CSMD3: variants seen among roughly 807,000 people sequenced by gnomAD.
The protein encoded by CSMD3 is CUB and sushi domain-containing protein 3.
A neutral mutation model predicts 435.2 loss-of-function variants in CSMD3; 177 were observed. That is an observed-to-expected ratio of 0.41 (90% CI 0.36 to 0.46). CSMD3 has a LOEUF of 0.46. CSMD3 is among the 20% of genes least tolerant of loss of function. The pLI is 0.34. For missense variants in CSMD3, 4,265 were observed against 4,504.6 expected (o/e 0.95, Z 1.52); for synonymous variants, 1,656 against 1,520.5 (o/e 1.09, Z -2.07).
intron 9 of CSMD3, among the ~76,000 whole-genome samples, chr8:112,940,180 A>G (rs1201550288): frequency 1.3e-5 from 2 of 151,878 alleles, no homozygotes; most frequent in Non-Finnish European, 2.9e-5. Context: ...TATACATTAT[A>G]CAGTAGTGTT....
Position 113,173,704 on chromosome 8 carries a change from A to C in CSMD3, c.709+18T>G. 6.4e-7 allele frequency: 1 copy of C among 1,571,742 alleles called. No homozygotes were observed. Among genetic ancestry groups the C allele is most frequent in the Non-Finnish European group, 8.8e-7 (1 of 1,141,920 alleles). Reference sequence around the variant, plus strand: ...CTGGCTGATAACAACTCTCATTTTTAAAGTGTTTTCATTTTACCTCTACAG... The same window carrying C: ...CTGGCTGATAACAACTCTCATTTTTCAAGTGTTTTCATTTTACCTCTACAG... On this transcript the variant is annotated intron_variant, in intron 4 of 70. Transcript: ENST00000297405.
intron 7 of CSMD3, among the ~76,000 whole-genome samples, chr8:112,961,050 T>C (rs997894130): frequency 2.0e-5 from 3 of 151,742 alleles, no homozygotes; most frequent in African/African-American, 7.2e-5. Context: ...AAATATATAA[T>C]CACAATTTTA....
intron 13 of CSMD3, among the ~76,000 whole-genome samples, chr8:112,718,107 G>A (rs1338657753): frequency 6.6e-6 from 1 of 152,020 alleles, no homozygotes; most frequent in Non-Finnish European, 1.5e-5. Context: ...AGACTCTAGT[G>A]AGAGAAAAGA....
At chr8:113,217,318 C>T (rs1334176019) in intron 3 of CSMD3, among the ~76,000 whole-genome samples, 1 of 151,266 alleles carries the variant, frequency 6.6e-6, no homozygotes, top group Non-Finnish European at 1.5e-5. Context: ...ACTACCAAAA[C>T]CTTGACATAC....
chr8:112,889,665 C>T (rs975006941), intron 10 of CSMD3, among the ~76,000 whole-genome samples: 15 of 151,452 alleles, frequency 9.9e-5, no homozygotes, highest in South Asian at 4.2e-4. Context: ...ACTTGGGCGG[C>T]GGTTATGTTG....
intron 35 of CSMD3, among the ~76,000 whole-genome samples, chr8:112,404,906 G>T (rs562594168): frequency 6.6e-6 from 1 of 151,326 alleles, no homozygotes; most frequent in South Asian, 2.1e-4. Context: ...AGCTGGGTGC[G>T]GTAGATCACA....
rs768433724 is a variant in CSMD3 at position 113,098,909 on chromosome 8, G to C, written c.764C>G (p.Pro255Arg). 3 of 1,612,730 alleles carry C rather than the reference G, an allele frequency of 1.9e-6. No individual in the cohort carries two copies. Among genetic ancestry groups the C allele is most frequent in the African/African-American group, 1.3e-5 (1 of 74,942 alleles). ...GTTATGGTACTCATTAGGAAAACTAGGGCTGGATATGATGCCACTGGATCC... is the reference window on the plus strand; with the variant it reads ...GTTATGGTACTCATTAGGAAAACTACGGCTGGATATGATGCCACTGGATCC... ...MRGSSGIISS[P>R]SFPNEYHNNA... Residue 255 changes from proline (P) to arginine (R), a missense_variant, in exon 5 of 71, where the codon CCT becomes CGT. Pro to Arg is a moderately radical substitution (Grantham distance 103). Transcript: ENST00000297405.
intron 52 of CSMD3, among the ~76,000 whole-genome samples, chr8:112,303,090 G>A (rs1252173244): frequency 6.6e-6 from 1 of 151,990 alleles, no homozygotes; most frequent in Non-Finnish European, 1.5e-5. Flanking sequence ...TTGAAAACCT[G>A]ATTAAATGAG....
intron 1 of CSMD3, among the ~76,000 whole-genome samples, chr8:113,325,407 T>C (rs1197371665): frequency 6.6e-6 from 1 of 152,122 alleles, no homozygotes; most frequent in Non-Finnish European, 1.5e-5. Context: ...TATGAGGCAG[T>C]TTATCTGCAT....
chr8:112,949,421 C>G lies in CSMD3; in HGVS notation c.1421-1544G>C, dbSNP rs79482890. Among the ~76,000 whole-genome samples the G allele has an allele frequency of 9.8e-3, 1,489 of 151,798 alleles. 19 individuals carry two copies. The highest frequency in any genetic ancestry group is 0.035 in the African/African-American group (1,431 of 41,404). ...TCTTTACCTTTCTAGGTTTTTTGGCCACTCTTACTTTTGCCGATTCTACTA... is the reference window on the plus strand; with the variant it reads ...TCTTTACCTTTCTAGGTTTTTTGGCGACTCTTACTTTTGCCGATTCTACTA... On this transcript the variant is annotated intron_variant, in intron 8 of 70. Coordinates refer to ENST00000297405, the MANE Select transcript of CSMD3 (RefSeq NM_198123.2).
chr8:112,532,313 C>T (rs1263256947), intron 27 of CSMD3, among the ~76,000 whole-genome samples: 1 of 151,628 alleles, frequency 6.6e-6, no homozygotes, highest in African/African-American at 2.4e-5. Context: ...GAAATGATAA[C>T]AGAGAACATT....
intron 4 of CSMD3, among the ~76,000 whole-genome samples, chr8:113,142,278 T>C (rs921058593): frequency 1.3e-5 from 2 of 151,242 alleles, no homozygotes; most frequent in Non-Finnish European, 3.0e-5. Flanking sequence ...TAATCTAAAA[T>C]TTATATGAAA....
intron 3 of CSMD3, among the ~76,000 whole-genome samples, chr8:113,204,988 C>CT (rs111767659): frequency 0.11 from 16,555 of 145,936 alleles, 1,446 homozygotes; most frequent in African/African-American, 0.24. Context: ...AGGGGAACTC[C>CT]TTTTTTTTTT....
chr8:112,715,113 A>C (rs2131939448), intron 13 of CSMD3, among the ~76,000 whole-genome samples: 1 of 152,204 alleles, frequency 6.6e-6, no homozygotes, highest in African/African-American at 2.4e-5. Context: ...AAAACCCTTC[A>C]AAAAAAGCAA....
chr8:113,118,611 AG>A (rs74593200), intron 4 of CSMD3, among the ~76,000 whole-genome samples: 21,538 of 152,164 alleles, frequency 0.14, 2,838 homozygotes, highest in African/African-American at 0.35. Flanking sequence ...GCAGTGATCT[AG>A]GATTGTGCCA....
At chr8:113,083,565 A>C (rs1258330376) in intron 5 of CSMD3, among the ~76,000 whole-genome samples, 3 of 152,152 alleles carry the variant, frequency 2.0e-5, no homozygotes, top group African/African-American at 4.8e-5. Context: ...GAAAACAAAC[A>C]AAAGTATACA....
chr8:112,445,229 T>C (rs1436496332), intron 32 of CSMD3, among the ~76,000 whole-genome samples: 1 of 151,762 alleles, frequency 6.6e-6, no homozygotes, highest in Non-Finnish European at 1.5e-5. Context: ...GTTGACAGAG[T>C]GGAGTGTGGA....
intron 6 of CSMD3, among the ~76,000 whole-genome samples, chr8:113,001,815 A>G (rs1192223023): frequency 6.6e-6 from 1 of 152,110 alleles, no homozygotes; most frequent in East Asian, 1.9e-4. Flanking sequence ...ACTTAAAGCC[A>G]CGGTATCTAA....
chr8:112,462,110 A>G (rs866619934), intron 32 of CSMD3, among the ~76,000 whole-genome samples: 2 of 152,294 alleles, frequency 1.3e-5, no homozygotes, highest in Middle Eastern at 6.8e-3. Context: ...TTGGATCCCC[A>G]GTTCACCTTG....
Sources: allele counts gnomAD v4.1 joint callset (sites outside exome capture counted in the v4.1 genomes callset), GRCh38; gene constraint gnomAD v4.1.1; transcripts MANE v1.5; gene names NCBI Gene and HGNC (gene_info 2026-07-23, HGNC 2026-07-21).